Variants in EZH2 observed in about 807,000 individuals in gnomAD.
EZH2 encodes the protein enhancer of zeste 2 polycomb repressive complex 2 subunit.
In EZH2, 18 loss-of-function variants were observed where a neutral mutation model predicts 98.4. The ratio of observed to expected loss-of-function variants is 0.18; its 90% confidence interval spans 0.13 to 0.27. The LOEUF is 0.27. EZH2 is among the 10% of genes least tolerant of loss of function. The probability of loss-of-function intolerance (pLI) is 1.00; values close to 1 mark genes in which losing one functional copy is unlikely to be tolerated. For synonymous variants in EZH2, 338 were observed against 312.3 expected (o/e 1.08, Z -0.87); for missense variants, 470 against 935.1 (o/e 0.50, Z 6.49).
At chr7:148,812,513 A>C (rs542408494) in intron 15 of EZH2, among the ~76,000 whole-genome samples, 1 of 152,330 alleles carries the variant, frequency 6.6e-6, no homozygotes, top group South Asian at 2.1e-4. Flanking sequence ...TGAACTTCCC[A>C]AATAGCCTTC....
At chr7:148,864,942 C>G (rs972721927) in intron 1 of EZH2, among the ~76,000 whole-genome samples, 1 of 152,018 alleles carries the variant, frequency 6.6e-6, no homozygotes, top group African/African-American at 2.4e-5. Context: ...GCCTGGCCAA[C>G]ACGGTAAAAC....
chr7:148,837,677 TAGG>T (rs1811249325), intron 3 of EZH2, among the ~76,000 whole-genome samples: 1 of 151,554 alleles, frequency 6.6e-6, no homozygotes, highest in Non-Finnish European at 1.5e-5. Flanking sequence ...GAAGGCAAAA[TAGG>T]AGAAGGGAGA....
intron 3 of EZH2, among the ~76,000 whole-genome samples, chr7:148,844,590 C>G (rs527403006): frequency 5.6e-4 from 86 of 152,244 alleles, no homozygotes; most frequent in Non-Finnish European, 8.8e-4. Flanking sequence ...TGTTTATTCT[C>G]AATCTGCGTG....
intron 4 of EZH2, 71 bp downstream of exon 4, chr7:148,832,563 T>C (rs1238561941): frequency 2.5e-5 from 21 of 842,876 alleles, no homozygotes; most frequent in Middle Eastern, 3.5e-4. Context: ...ACCTTGACAA[T>C]AAAATTATCT....
intron 8 of EZH2, among the ~76,000 whole-genome samples, chr7:148,823,603 G>C (rs1393873316): frequency 6.6e-6 from 1 of 151,460 alleles, no homozygotes; most frequent in Non-Finnish European, 1.5e-5. Flanking sequence ...AATTTCGAAG[G>C]ATGGGGAACA....
In EZH2 at chr7:148,832,759, G is replaced by GA. The variant is rs557474218; in HGVS notation, c.247-10dup. 4.1e-3 allele frequency: 6,335 copies of GA among 1,555,412 alleles called. 19 individuals carry two copies. The highest frequency in any genetic ancestry group is 5.1e-3 in the Non-Finnish European group (5,785 of 1,134,626). ...TCACTGGTCACCGAACACTAAAACA[G>GA]AAAAAATAAAATTGACTCTTAAGAA... On this transcript the variant is annotated splice_polypyrimidine_tract_variant and intron_variant, in intron 3 of 19. Coordinates refer to ENST00000320356, the MANE Select transcript of EZH2 (RefSeq NM_004456.5).
chr7:148,834,119 T>C (rs1810193170), intron 3 of EZH2, among the ~76,000 whole-genome samples: 2 of 152,128 alleles, frequency 1.3e-5, no homozygotes, highest in Non-Finnish European at 2.9e-5. Context: ...GTGAAAAATT[T>C]TGCATCTTTG....
In EZH2 at chr7:148,827,208, G is replaced by A; in HGVS notation, c.684C>T (p.Ser228=). The part of the protein sequence containing the change: ...FPSDKIFEAI[S]SMFPDKGTAE... ...CTGTGCCCTTATCTGGAAACATTGA[G>A]GAAATGGCTTCAAAAATTTTATCAG... The change falls in exon 7 of 20, where the codon TCC becomes TCT. Residue 228 remains serine, a synonymous_variant. Coordinates refer to ENST00000320356, the MANE Select transcript of EZH2 (RefSeq NM_004456.5). 1 of 1,613,762 alleles carries A rather than the reference G, an allele frequency of 6.2e-7. No homozygotes were observed.
At chr7:148,832,310 C>T (rs1423161788) in intron 4 of EZH2, among the ~76,000 whole-genome samples, 3 of 152,178 alleles carry the variant, frequency 2.0e-5, no homozygotes, top group Non-Finnish European at 4.4e-5. Context: ...AATTCCCAGA[C>T]TCAAGTAATC....
At chr7:148,838,688 G>C (rs983148700) in intron 3 of EZH2, among the ~76,000 whole-genome samples, 2 of 152,194 alleles carry the variant, frequency 1.3e-5, no homozygotes, top group African/African-American at 2.4e-5. Context: ...GGCTGTGGCA[G>C]TAAAATTGTT....
At chr7:148,824,466 C>A (rs1807097940) in intron 8 of EZH2, among the ~76,000 whole-genome samples, 1 of 152,114 alleles carries the variant, frequency 6.6e-6, no homozygotes, top group African/African-American at 2.4e-5. Context: ...ATGATTTAAA[C>A]ATACAAATAC....
chr7:148,846,310 T>G (rs1238043690), intron 3 of EZH2, among the ~76,000 whole-genome samples, 160 bp downstream of exon 3: 1 of 152,182 alleles, frequency 6.6e-6, no homozygotes, highest in Non-Finnish European at 1.5e-5. Context: ...GCTAATAGTG[T>G]GATCTACAGC....
In EZH2 at chr7:148,824,392, G is replaced by A. The variant is rs76343703; in HGVS notation, c.907+2062C>T. On this transcript the variant is annotated intron_variant, in intron 8 of 19. Transcript: ENST00000320356. ...ATACCATCTGAGTCAATGATGGACC[G>A]CATATACAACAGTGGTACCATAAGA... is the stretch of plus-strand genomic sequence containing the variant. Among the ~76,000 whole-genome samples the A allele has an allele frequency of 6.3e-3, 943 of 150,842 alleles. 13 individuals carry two copies. Among genetic ancestry groups the A allele is most frequent in the African/African-American group, 0.021 (855 of 41,138 alleles).
chr7:148,809,499 G>T, intron 17 of EZH2, 109 bp from the exon 18 acceptor site: 1 of 739,384 alleles, frequency 1.4e-6, no homozygotes, highest in Non-Finnish European at 2.2e-6. Flanking sequence ...GGGTTTGCCT[G>T]CAAAAGCAAA....
chr7:148,813,057 A>ACACGCACACACACACACG (rs149286628), intron 15 of EZH2, among the ~76,000 whole-genome samples: 1 of 147,762 alleles, frequency 6.8e-6, no homozygotes, highest in Non-Finnish European at 1.5e-5. Context: ...CCACATACAC[A>ACACGCACACACACACACG]CACACACACA....
At position 148,811,729 on chromosome 7, in the gene EZH2, T is replaced by C. The variant is rs199654408; in HGVS notation, c.1852-9A>G. 5,015 of 1,608,126 alleles carry C rather than the reference T, an allele frequency of 3.1e-3. 12 individuals are homozygous for C. Among genetic ancestry groups the C allele is most frequent in the Non-Finnish European group, 4.1e-3 (4,777 of 1,178,224 alleles). Reference sequence around the variant, plus strand: ...GGTGCCAGCAATAGATGCTAGAGAATAAAACACAATCACATCATCAAAAAA... The same window carrying C: ...GGTGCCAGCAATAGATGCTAGAGAACAAAACACAATCACATCATCAAAAAA... On this transcript the variant is annotated splice_polypyrimidine_tract_variant and intron_variant, in intron 15 of 19. Transcript: ENST00000320356.
At chr7:148,880,166 T>G (rs1820762975) in intron 1 of EZH2, among the ~76,000 whole-genome samples, 4 of 152,212 alleles carry the variant, frequency 2.6e-5, no homozygotes, top group Admixed American at 2.6e-4. Flanking sequence ...TACCAAGTAG[T>G]GGAACAGTGG....
intron 1 of EZH2, among the ~76,000 whole-genome samples, chr7:148,871,565 ATAGTG>A (rs768783183): frequency 6.9e-4 from 103 of 148,642 alleles, no homozygotes; most frequent in Non-Finnish European, 1.1e-3. Flanking sequence ...CATCCCACAA[ATAGTG>A]TATTTTCTTT....
Position 148,870,873 on chromosome 7 carries a change from A to G in EZH2, c.-8+13291T>C, listed in dbSNP as rs1172163119. On this transcript the variant is annotated intron_variant, in intron 1 of 19. Coordinates refer to ENST00000320356, the MANE Select transcript of EZH2 (RefSeq NM_004456.5). Reference sequence around the variant, plus strand: ...GAACCCAGGAGGCAGAGGCTGCAGTAAGCCAAGACTGCGCCACTGCATTCC... The same window carrying G: ...GAACCCAGGAGGCAGAGGCTGCAGTGAGCCAAGACTGCGCCACTGCATTCC... Among the ~76,000 whole-genome samples the G allele has an allele frequency of 2.6e-5, 4 of 151,896 alleles. No homozygotes were observed. In the South Asian group the frequency reaches 8.3e-4, roughly 32 times the overall value.
Sources: allele counts gnomAD v4.1 joint callset (sites outside exome capture counted in the v4.1 genomes callset), GRCh38; gene constraint gnomAD v4.1.1; transcripts MANE v1.5; gene names NCBI Gene and HGNC (gene_info 2026-07-23, HGNC 2026-07-21).